Variants in BTG4 observed in about 807,000 individuals in gnomAD.
The protein encoded by BTG4 is protein BTG4.
Under a neutral mutation model 19.3 loss-of-function variants are expected in BTG4, and 10 were observed. That is an observed-to-expected ratio of 0.52 (90% CI 0.32 to 0.88). BTG4 has a LOEUF of 0.88. Among genes scored for constraint, BTG4 ranks in the 40% least tolerant of loss-of-function variants. BTG4 has a pLI of 0.04. For synonymous variants in BTG4, 91 were observed against 95.7 expected, an observed-to-expected ratio of 0.95 and a Z score of 0.29; for missense variants, 238 against 281.9, an observed-to-expected ratio of 0.84 and a Z score of 1.11.
chr11:111,420,812 C>T, the BTG4 span, among the ~76,000 whole-genome samples: 7 of 152,092 alleles, frequency 4.6e-5, no homozygotes, highest in Admixed American at 2.0e-4. Flanking sequence ...AACTAACAGG[C>T]CTTACCCTCA....
chr11:111,384,177 T>C, the BTG4 span, among the ~76,000 whole-genome samples: 2 of 152,214 alleles, frequency 1.3e-5, no homozygotes, highest in Non-Finnish European at 2.9e-5. Flanking sequence ...ACGGCAGTTT[T>C]ATTTTTTCCC....
chr11:111,394,478 G>A, the BTG4 span, among the ~76,000 whole-genome samples: 24 of 152,276 alleles, frequency 1.6e-4, no homozygotes, highest in Middle Eastern at 3.4e-3. Context: ...CTTGTCTGCC[G>A]TCATGTAAGA....
At chr11:111,467,314 T>C (rs1470508782), downstream of BTG4, among the ~76,000 whole-genome samples, 1 of 152,188 alleles carries the variant, frequency 6.6e-6, no homozygotes, top group Non-Finnish European at 1.5e-5. Context: ...GGCTCAAATC[T>C]CTCTAGTCTA....
At chr11:111,392,169 C>CTTTTTTTTTTTT in the BTG4 span, among the ~76,000 whole-genome samples, 12 of 85,450 alleles carry the variant, frequency 1.4e-4, 2 homozygotes, top group Admixed American at 3.2e-4. Context: ...CTGTGATTTT[C>CTTTTTTTTTTTT]TTTTTTTTTT....
At chr11:111,394,704 C>T in the BTG4 span, among the ~76,000 whole-genome samples, 1 of 152,176 alleles carries the variant, frequency 6.6e-6, no homozygotes, top group Non-Finnish European at 1.5e-5. Context: ...TATATGGGCC[C>T]ACCTTGGCCT....
At chr11:111,489,754 C>A (rs1265410393) in intron 5 of BTG4, among the ~76,000 whole-genome samples, 3 of 151,022 alleles carry the variant, frequency 2.0e-5, no homozygotes, top group African/African-American at 7.3e-5. Context: ...CACAGAAAGA[C>A]AAATATTATA....
chr11:111,406,549 T>C, the BTG4 span, among the ~76,000 whole-genome samples: 1 of 152,200 alleles, frequency 6.6e-6, no homozygotes, highest in Admixed American at 6.5e-5. Flanking sequence ...TTTTTTCCCA[T>C]CACAGTATGA....
downstream of BTG4, among the ~76,000 whole-genome samples, chr11:111,491,529 C>T (rs1638795077): frequency 6.6e-6 from 1 of 152,016 alleles, no homozygotes. Flanking sequence ...GGGAGGATCC[C>T]TTGAGCTCAG....
At chr11:111,456,547 A>G in the BTG4 span, 1 of 456,494 alleles carries the variant, frequency 2.2e-6, no homozygotes, top group Non-Finnish European at 4.4e-6. The surrounding 1 kb of genome is among the most constrained non-coding windows in gnomAD (Gnocchi z 4.2). Flanking sequence ...TGATGACATC[A>G]GTGTGAACCC....
intron 5 of BTG4, among the ~76,000 whole-genome samples, chr11:111,474,588 G>A (rs1031327803): frequency 1.3e-5 from 2 of 152,098 alleles, no homozygotes; most frequent in African/African-American, 4.8e-5. Flanking sequence ...TGATGCATAT[G>A]TGGGTATTTT....
the BTG4 span, chr11:111,454,414 AG>A: frequency 2.4e-6 from 1 of 422,750 alleles, no homozygotes; most frequent in South Asian, 1.8e-5. Flanking sequence ...ATGTGGGGCT[AG>A]AAAGAGTCTC....
chr11:111,396,688 A>G, the BTG4 span: 1 of 152,276 alleles, frequency 6.6e-6, no homozygotes, highest in South Asian at 2.1e-4. Flanking sequence ...GACTTGCCCA[A>G]TACGTATACT....
the BTG4 span, among the ~76,000 whole-genome samples, chr11:111,439,629 C>T: frequency 6.6e-6 from 1 of 152,112 alleles, no homozygotes; most frequent in African/African-American, 2.4e-5. Flanking sequence ...CCCCCTCGTA[C>T]TTCCCCTCCC....
the BTG4 span, among the ~76,000 whole-genome samples, chr11:111,400,013 G>A: frequency 2.6e-5 from 4 of 152,152 alleles, no homozygotes; most frequent in Admixed American, 2.6e-4. Context: ...GCCGGGATGG[G>A]TGAGGGTGGG....
chr11:111,421,290 G>C, the BTG4 span, among the ~76,000 whole-genome samples: 1 of 152,224 alleles, frequency 6.6e-6, no homozygotes, highest in Non-Finnish European at 1.5e-5. Context: ...ATGCTGACCT[G>C]AGCATTCAGC....
At chr11:111,500,402 A>C (rs1412036394) in intron 1 of BTG4, among the ~76,000 whole-genome samples, 6 of 152,214 alleles carry the variant, frequency 3.9e-5, no homozygotes, top group Non-Finnish European at 5.9e-5. Context: ...CATTTCTAAA[A>C]AGCTCCAAAT....
the BTG4 span, among the ~76,000 whole-genome samples, chr11:111,392,572 T>C: frequency 2.0e-5 from 3 of 152,190 alleles, no homozygotes; most frequent in Non-Finnish European, 4.4e-5. Context: ...CTTGCATTTC[T>C]AACAAATTCC....
chr11:111,387,930 C>A, the BTG4 span, among the ~76,000 whole-genome samples: 4 of 151,844 alleles, frequency 2.6e-5, no homozygotes, highest in Non-Finnish European at 5.9e-5. Flanking sequence ...GAACAATGGG[C>A]TTTATTTGAC....
intron 5 of BTG4, among the ~76,000 whole-genome samples, chr11:111,476,040 T>A (rs1864378583): frequency 6.6e-6 from 1 of 151,744 alleles, no homozygotes; most frequent in Non-Finnish European, 1.5e-5. Context: ...CAAGGAAGGA[T>A]CTCTTAACAC....
Sources: gnomAD v4.1 joint callset for allele counts (sites outside exome capture counted in the v4.1 genomes callset) on GRCh38, gnomAD v4.1.1 for gene constraint, Gnocchi (gnomAD v3.1) non-coding constraint, MANE v1.5 for transcripts, NCBI Gene and HGNC (gene_info 2026-07-23, HGNC 2026-07-21) for gene names.